The following HS1BP3 variants were observed in gnomAD, a reference collection of about 807,000 sequenced individuals.
HS1BP3 encodes the protein HCLS1-binding protein 3.
HS1BP3 carries 32 observed loss-of-function variants against 33.5 expected under a neutral mutation model. That is an observed-to-expected ratio of 0.95 (90% CI 0.72 to 1.28). HS1BP3 has a LOEUF of 1.28. Ranked by LOEUF, HS1BP3 falls within the 50% of genes most tolerant of loss-of-function variation. The probability of loss-of-function intolerance (pLI) is 0.00; values close to 1 mark genes in which losing one functional copy is unlikely to be tolerated. For missense variants in HS1BP3, 486 were observed against 502.3 expected, an observed-to-expected ratio of 0.97 and a Z score of 0.31; for synonymous variants, 187 against 209.2, an observed-to-expected ratio of 0.89 and a Z score of 0.92.
chr2:20,559,841 A>T (rs951321029), downstream of HS1BP3, among the ~76,000 whole-genome samples: 1 of 152,236 alleles, frequency 6.6e-6, no homozygotes, highest in East Asian at 1.9e-4. Context: ...CTGCCTAGGG[A>T]GGCCTGCTCT....
At chr2:20,644,825 C>T (rs1418091789) in intron 2 of HS1BP3, among the ~76,000 whole-genome samples, 1 of 152,224 alleles carries the variant, frequency 6.6e-6, no homozygotes, top group Non-Finnish European at 1.5e-5. Flanking sequence ...AGTCCAGGCT[C>T]CCGCAGACTC....
intron 5 of HS1BP3, among the ~76,000 whole-genome samples, chr2:20,571,547 C>T (rs191399898): frequency 1.2e-4 from 19 of 152,332 alleles, no homozygotes; most frequent in Admixed American, 2.0e-4. Context: ...AACAGACTGG[C>T]GCCATCGGTT....
In HS1BP3 at chr2:20,641,623, C is replaced by T. The variant is rs549222086; in HGVS notation, c.199-443G>A. Among the ~76,000 whole-genome samples, 12 of 152,282 alleles carry T rather than the reference C, an allele frequency of 7.9e-5. No homozygotes were observed. In the East Asian group the frequency reaches 1.9e-3, roughly 25 times the overall value. ...TTCTCCCGTGAACCAGTGTGGCCTT[C>T]GGCGGGCCAGCCAATGCAAGCAGTG... On this transcript the variant is annotated intron_variant, in intron 2 of 6. Coordinates refer to ENST00000304031, the MANE Select transcript of HS1BP3 (RefSeq NM_022460.4).
chr2:20,629,139 T>A (rs1029245567), intron 4 of HS1BP3, among the ~76,000 whole-genome samples: 6 of 152,174 alleles, frequency 3.9e-5, no homozygotes, highest in Admixed American at 3.9e-4. Context: ...GTTTCTGATC[T>A]CAGTGAGGGG....
chr2:20,623,807 T>C, intron 6 of HS1BP3, 89 bp downstream of exon 6: 1 of 1,423,932 alleles, frequency 7.0e-7, no homozygotes, highest in Non-Finnish European at 9.3e-7. Flanking sequence ...CAGAGGAGGC[T>C]GGGGCTGAGA....
chr2:20,589,802 C>T (rs1693767994), downstream of HS1BP3, among the ~76,000 whole-genome samples: 1 of 152,054 alleles, frequency 6.6e-6, no homozygotes, highest in African/African-American at 2.4e-5. Context: ...AGACTCCTCA[C>T]AGCTGGTGGA....
chr2:20,628,842 C>T (rs934602), intron 4 of HS1BP3, among the ~76,000 whole-genome samples: 7,802 of 151,920 alleles, frequency 0.051, 215 homozygotes, highest in African/African-American at 0.061. Context: ...GGGTCTGCAG[C>T]GGGCGTGACT....
intron 5 of HS1BP3, among the ~76,000 whole-genome samples, chr2:20,582,599 C>T (rs1693560384): frequency 6.6e-6 from 1 of 152,100 alleles, no homozygotes; most frequent in Admixed American, 6.5e-5. Context: ...CATCATGGTC[C>T]CTTTCTCTGC....
chr2:20,598,295 G>A (rs1366401964), intron 2 of HS1BP3: 1 of 387,070 alleles, frequency 2.6e-6, no homozygotes, highest in African/African-American at 2.1e-5. Flanking sequence ...GTGATAGATC[G>A]TCAGGCATTA....
At chr2:20,605,914 T>TG (rs1694167137) in intron 2 of HS1BP3, among the ~76,000 whole-genome samples, 1 of 152,254 alleles carries the variant, frequency 6.6e-6, no homozygotes, top group African/African-American at 2.4e-5. Flanking sequence ...GGAACATTCT[T>TG]GCATGAGTTT....
chr2:20,623,960 CG>C lies in HS1BP3; in HGVS notation c.855del (p.Ala286ProfsTer31), dbSNP rs1558339689. 2 of 1,612,588 alleles carry C rather than the reference CG, an allele frequency of 1.2e-6. No homozygotes were observed. The highest frequency in any genetic ancestry group is 1.1e-5 in the South Asian group (1 of 91,020). On this transcript the variant is annotated frameshift_variant, in exon 6 of 7. Coordinates refer to ENST00000304031, the MANE Select transcript of HS1BP3 (RefSeq NM_022460.4). LOFTEE classifies it high-confidence loss of function. ...IPLGDSLLLPAACESGGPTPS... is the reference protein window; with the variant it reads ...IPLGDSLLLPXACESGGPTPS... ...GGTGTGGGCCCTCCACTCTCACAGG[CG>C]GCTGGCAGCAGGAGGGAGTCACCCA...
At chr2:20,575,628 T>C (rs1230514579) in intron 5 of HS1BP3, among the ~76,000 whole-genome samples, 1 of 152,224 alleles carries the variant, frequency 6.6e-6, no homozygotes, top group East Asian at 1.9e-4. Context: ...AAAGCCACAG[T>C]GTGCCTCCTG....
intron 3 of HS1BP3, among the ~76,000 whole-genome samples, chr2:20,639,487 G>T (rs1022178366): frequency 1.3e-5 from 2 of 152,194 alleles, no homozygotes; most frequent in Non-Finnish European, 2.9e-5. Context: ...GTGCTTACTG[G>T]GTAGTTTAAA....
chr2:20,559,198 C>T (rs62124183), downstream of HS1BP3, among the ~76,000 whole-genome samples: 21,249 of 152,174 alleles, frequency 0.14, 1,635 homozygotes, highest in South Asian at 0.25. Flanking sequence ...AGCCCCAGTT[C>T]CCCTCAGGGC....
chr2:20,577,654 G>C (rs896514392), intron 5 of HS1BP3, among the ~76,000 whole-genome samples: 1 of 152,190 alleles, frequency 6.6e-6, no homozygotes, highest in African/African-American at 2.4e-5. Context: ...GCTGCAGCCT[G>C]GGAGGGAGAG....
At chr2:20,619,279 C>T (rs1019637841) in intron 6 of HS1BP3, 34 bp from the exon 7 acceptor site, 1 of 1,520,280 alleles carries the variant, frequency 6.6e-7, no homozygotes. Context: ...CTGAGCATAA[C>T]ACTGCCACCC....
intron 3 of HS1BP3, among the ~76,000 whole-genome samples, chr2:20,597,005 A>G (rs1395049408): frequency 6.6e-6 from 1 of 152,240 alleles, no homozygotes; most frequent in Non-Finnish European, 1.5e-5. Context: ...TTAAGGCCAC[A>G]TAAAAGGCCT....
Position 20,646,180 on chromosome 2 carries a change from G to A in HS1BP3, c.33-675C>T, listed in dbSNP as rs140493691. 4.8e-4 allele frequency among the ~76,000 whole-genome samples: 73 copies of A among 152,340 alleles called. No individual in the cohort carries two copies. The East Asian group carries it at 0.013, about 28-fold the overall frequency. Reference sequence around the variant, plus strand: ...AGTGATGAGATGTTTTTCTTGAAGTGGAAAAAGTTATTAAATACATCCCTC... The same window carrying A: ...AGTGATGAGATGTTTTTCTTGAAGTAGAAAAAGTTATTAAATACATCCCTC... On this transcript the variant is annotated intron_variant, in intron 1 of 6. Transcript: ENST00000304031.
At chr2:20,557,197 C>T (rs1160519068), downstream of HS1BP3, among the ~76,000 whole-genome samples, 1 of 152,186 alleles carries the variant, frequency 6.6e-6, no homozygotes, top group Admixed American at 6.5e-5. Flanking sequence ...GATGCTAATG[C>T]GATTCCCTTT....
Sources: allele counts gnomAD v4.1 joint callset (sites outside exome capture counted in the v4.1 genomes callset), GRCh38; gene constraint gnomAD v4.1.1; transcripts MANE v1.5; gene names NCBI Gene and HGNC (gene_info 2026-07-23, HGNC 2026-07-21).